BRD7: variants seen among roughly 807,000 people sequenced by gnomAD.
BRD7 encodes the protein bromodomain containing 7, also known as bromodomain-containing protein 7.
In BRD7, 15 loss-of-function variants were observed where a neutral mutation model predicts 82.1. That is an observed-to-expected ratio of 0.18 (90% CI 0.12 to 0.28). The LOEUF (loss-of-function observed/expected upper bound fraction) is 0.28, where lower values mean the gene tolerates loss of function less well. BRD7 is among the 10% of genes least tolerant of loss of function. The probability of loss-of-function intolerance (pLI) is 1.00; values close to 1 mark genes in which losing one functional copy is unlikely to be tolerated. For missense variants in BRD7, 638 were observed against 779.9 expected (o/e 0.82, Z 2.17); for synonymous variants, 232 against 266.9 (o/e 0.87, Z 1.27).
chr16:50,328,598 A>G (rs2037435040), intron 9 of BRD7, 71 bp downstream of exon 9: 1 of 1,360,956 alleles, frequency 7.3e-7, no homozygotes, highest in East Asian at 2.3e-5. Context: ...TGTTGCTTTA[A>G]AATGTTAACC....
chr16:50,348,740 T>G (rs1309573794), intron 5 of BRD7, among the ~76,000 whole-genome samples: 1 of 152,136 alleles, frequency 6.6e-6, no homozygotes, highest in African/African-American at 2.4e-5. Flanking sequence ...CGGTGATCAT[T>G]AAAAAGTCAG....
At chr16:50,365,779 C>A (rs1351026650) in intron 2 of BRD7, among the ~76,000 whole-genome samples, 1 of 151,732 alleles carries the variant, frequency 6.6e-6, no homozygotes, top group African/African-American at 2.4e-5. Context: ...CCACCCCACA[C>A]ACACCCAGAA....
At chr16:50,359,388 T>C (rs951776307) in intron 2 of BRD7, among the ~76,000 whole-genome samples, 2 of 152,228 alleles carry the variant, frequency 1.3e-5, no homozygotes, top group African/African-American at 4.8e-5. Context: ...ACAGGACTAT[T>C]TTAAGGATTA....
chr16:50,332,934 G>C (rs1289097895), intron 8 of BRD7, among the ~76,000 whole-genome samples: 5 of 152,038 alleles, frequency 3.3e-5, no homozygotes. Context: ...CTAAATACTG[G>C]TGCACACAGA....
At chr16:50,320,883 T>C (rs2037072457) in intron 13 of BRD7, 109 bp from the exon 14 acceptor site, 1 of 746,738 alleles carries the variant, frequency 1.3e-6, no homozygotes, top group Admixed American at 2.2e-5. Flanking sequence ...ATTCTACCTA[T>C]TTACTATGGA....
At chr16:50,367,996 T>TG in intron 2 of BRD7, 94 bp downstream of exon 2, 1 of 1,301,700 alleles carries the variant, frequency 7.7e-7, no homozygotes, top group Non-Finnish European at 1.1e-6. Flanking sequence ...CTTAGAGGCG[T>TG]TTGTTTTCCC....
chr16:50,326,235 T>C, intron 10 of BRD7, 49 bp downstream of exon 10: 1 of 1,486,398 alleles, frequency 6.7e-7, no homozygotes, highest in Non-Finnish European at 9.4e-7. Context: ...CTTTCCCTAA[T>C]ATCCCAAAAC....
chr16:50,321,943 C>T (rs1300840358), intron 13 of BRD7, 39 bp downstream of exon 13: 1 of 1,565,836 alleles, frequency 6.4e-7, no homozygotes, highest in Non-Finnish European at 8.7e-7. Flanking sequence ...CCCTTATTTT[C>T]CATTTAAATA....
chr16:50,350,497 G>A (rs1246624386), intron 4 of BRD7, among the ~76,000 whole-genome samples: 1 of 152,144 alleles, frequency 6.6e-6, no homozygotes, highest in Non-Finnish European at 1.5e-5. Context: ...TGGGAGATTA[G>A]CACTGCATAT....
At chr16:50,339,494 G>A (rs2037955546) in intron 6 of BRD7, among the ~76,000 whole-genome samples, 1 of 152,164 alleles carries the variant, frequency 6.6e-6, no homozygotes, top group Non-Finnish European at 1.5e-5. Context: ...CAAAAGTACA[G>A]TAAAAATACA....
At position 50,320,321 on chromosome 16, in the gene BRD7, A is replaced by C. The variant is rs764271608; in HGVS notation, c.1683T>G (p.Asn561Lys). ...GAGGGGGTCTGGTGCTCAAACGTTC[A>C]TTCTGGGCTTCCTGGAGTTCCCTGA... ...RLLRELQEAQ[N>K]ERLSTRPPPN... The change falls in exon 15 of 17, where the codon AAT becomes AAG. Residue 561 changes from asparagine to lysine, a missense_variant. Transcript: ENST00000394688. 3 of 1,614,182 alleles carry C rather than the reference A, an allele frequency of 1.9e-6. No individual in the cohort carries two copies. The highest frequency in any genetic ancestry group is 1.3e-5 in the African/African-American group (1 of 75,044).
rs2036885042 is a variant in BRD7 at position 50,317,910 on chromosome 16, A to G, written c.*1301T>C. 3 of 152,358 alleles carry G rather than the reference A, an allele frequency of 2.0e-5. No individual in the cohort carries two copies. Among genetic ancestry groups the G allele is most frequent in the Admixed American group, 2.0e-4 (3 of 15,294 alleles). 9.4% of individuals were successfully genotyped at this position (152,358 alleles called of 1,614,324 possible). ...GAAATTTCCTAACAAACAAACAAAC[A>G]AACAAACAGAAGAGAAGATCATTAA... On this transcript the variant is annotated 3_prime_UTR_variant, in exon 17 of 17. Coordinates refer to ENST00000394688, the MANE Select transcript of BRD7 (RefSeq NM_013263.5).
At chr16:50,327,681 C>T (rs2037395420) in intron 9 of BRD7, among the ~76,000 whole-genome samples, 1 of 152,206 alleles carries the variant, frequency 6.6e-6, no homozygotes, top group African/African-American at 2.4e-5. Context: ...GATGCCTTCC[C>T]TGACCCCCAA....
chr16:50,349,667 CAT>C (rs1187349837), intron 5 of BRD7: 2 of 463,080 alleles, frequency 4.3e-6, no homozygotes, highest in Admixed American at 2.5e-5. Context: ...ATGCATATCT[CAT>C]ATGTCTAGAA....
chr16:50,324,708 C>A (rs971615378), intron 11 of BRD7, among the ~76,000 whole-genome samples: 3 of 152,230 alleles, frequency 2.0e-5, no homozygotes, highest in African/African-American at 7.2e-5. Context: ...TTTAAAAGTG[C>A]ATCCCTCTCG....
At chr16:50,367,132 A>G (rs1234340988) in intron 2 of BRD7, among the ~76,000 whole-genome samples, 1 of 152,268 alleles carries the variant, frequency 6.6e-6, no homozygotes. Flanking sequence ...GAAAAATTAC[A>G]TAACTAACCT....
chr16:50,319,150 G>C lies in BRD7; in HGVS notation c.*61C>G, dbSNP rs534770850. On this transcript the variant is annotated 3_prime_UTR_variant, in exon 17 of 17. Transcript: ENST00000394688. ...ACAAATATTTAATATCTTCTGAAAA[G>C]CATTTCTAAGTTAAGAATGAAAAAG... 24 of 1,356,216 alleles carry C rather than the reference G, an allele frequency of 1.8e-5. No homozygotes were observed. The Admixed American group carries it at 3.6e-4, about 21-fold the overall frequency. 84.0% of individuals were successfully genotyped at this position (1,356,216 alleles called of 1,614,324 possible).
At chr16:50,323,440 C>A in intron 12 of BRD7, 147 bp downstream of exon 12, 1 of 629,430 alleles carries the variant, frequency 1.6e-6, no homozygotes, top group Non-Finnish European at 2.8e-6. Flanking sequence ...TTATTGTCCA[C>A]CCGTGGCCTC....
chr16:50,334,917 CTTATTA>C, intron 6 of BRD7, 22 bp from the exon 7 acceptor site: 1 of 1,602,960 alleles, frequency 6.2e-7, no homozygotes, highest in Non-Finnish European at 8.5e-7. Context: ...CGAAAATATT[CTTATTA>C]TATGTTTGTC....
Sources: gnomAD v4.1 joint callset for allele counts (sites outside exome capture counted in the v4.1 genomes callset) on GRCh38, gnomAD v4.1.1 for gene constraint, MANE v1.5 for transcripts, NCBI Gene and HGNC (gene_info 2026-07-23, HGNC 2026-07-21) for gene names.